The following NPHP3 variants were observed in gnomAD, a reference collection of about 807,000 sequenced individuals.
The protein encoded by NPHP3 is nephrocystin 3.
Under a neutral mutation model 171.9 loss-of-function variants are expected in NPHP3, and 123 were observed. That is an observed-to-expected ratio of 0.72 (90% confidence interval 0.62 to 0.83). NPHP3 has a LOEUF of 0.83. Ranked by LOEUF, NPHP3 falls within the 40% of genes least tolerant of loss-of-function variation. NPHP3 has a pLI of 0.00. For synonymous variants in NPHP3, 558 were observed against 579.2 expected, an observed-to-expected ratio of 0.96 and a Z score of 0.52; for missense variants, 1,506 against 1,591.9, an observed-to-expected ratio of 0.95 and a Z score of 0.92.
Position 132,681,426 on chromosome 3 carries a change from G to C in NPHP3, c.*484C>G, listed in dbSNP as rs142599290. The stretch of plus-strand genomic sequence containing the variant: ...TTACAGGCATGCGCCACCAGGTCCA[G>C]CTAATTTTTTTTTGTATTTTTAGTA... On this transcript the variant is annotated 3_prime_UTR_variant, in exon 27 of 27. Transcript: ENST00000337331. The C allele has an allele frequency of 1.1e-3, 185 of 176,118 alleles. 1 individual carries two copies. Among genetic ancestry groups the C allele is most frequent in the African/African-American group, 3.8e-3 (158 of 41,624 alleles). 10.9% of individuals were successfully genotyped at this position (176,118 alleles called of 1,614,324 possible). A position where few individuals can be genotyped will look rare whatever the true frequency, so the allele number is the denominator to read the frequency against.
chr3:132,688,797 C>T lies in NPHP3; in HGVS notation c.2978G>A (p.Ser993Asn), dbSNP rs1060503156. The change falls in exon 21 of 27, where the codon AGT becomes AAT. Residue 993 changes from serine to asparagine, a missense_variant. By Grantham distance (46) the Ser-to-Asn change is conservative (BLOSUM62 1). Transcript: ENST00000337331. The stretch of plus-strand genomic sequence containing the variant: ...AAACTTCTTCCACTGCACGTATACA[C>T]TTGCTAGTTGGTGGAGGGACTGGGC... ...RVAQSLHQLA[S>N]VYVQWKKFGN... 30 of 1,613,980 alleles carry T rather than the reference C, an allele frequency of 1.9e-5. No individual in the cohort carries two copies. Among genetic ancestry groups the T allele is most frequent in the Non-Finnish European group, 2.4e-5 (28 of 1,180,010 alleles).
intron 22 of NPHP3, among the ~76,000 whole-genome samples, 195 bp downstream of exon 22, chr3:132,686,956 C>T (rs1361862432): frequency 6.6e-6 from 1 of 152,002 alleles, no homozygotes; most frequent in Admixed American, 6.6e-5. Context: ...TTTAGAGTTC[C>T]ACTTTTTAAA....
intron 17 of NPHP3, among the ~76,000 whole-genome samples, chr3:132,691,536 CAG>C (rs1939300078): frequency 1.3e-5 from 2 of 151,938 alleles, no homozygotes; most frequent in African/African-American, 4.8e-5. Flanking sequence ...TTAAAAATCT[CAG>C]AAGTGTGGAA....
At chr3:132,715,914 A>G (rs1940038217) in intron 4 of NPHP3, among the ~76,000 whole-genome samples, 2 of 152,182 alleles carry the variant, frequency 1.3e-5, no homozygotes, top group African/African-American at 4.8e-5. Context: ...CCCCTCACAT[A>G]CCAAATCCAC....
Position 132,708,155 on chromosome 3 carries a change from A to G in NPHP3, c.1221T>C (p.Ser407=), listed in dbSNP as rs1471244176. The change falls in exon 7 of 27, where the codon TCT becomes TCC. Residue 407 remains serine, a synonymous_variant. Transcript: ENST00000337331. ...AAACTTGATCAATCAATTGCTGGAC[A>G]GAGTCAGAACTGACTTTTCCATCTT... ...RLEDGKVSSD[S]VQQLIDQVSN... The G allele has an allele frequency of 9.3e-6, 15 of 1,614,226 alleles. No homozygotes were observed. In the South Asian group the frequency reaches 1.6e-4, roughly 18 times the overall value.
chr3:132,690,470 A>C, intron 19 of NPHP3, 58 bp downstream of exon 19: 2 of 1,540,116 alleles, frequency 1.3e-6, no homozygotes, highest in Middle Eastern at 1.8e-4. Context: ...TTTCTTTGTT[A>C]AACTGAACAA....
rs956854036 is a variant in NPHP3, at chr3:132,688,680, G to A, written c.3095C>T (p.Ala1032Val). The change falls in exon 21 of 27, where the codon GCA becomes GTA. Residue 1032 changes from alanine to valine, a missense_variant. Physicochemically the swap from Ala to Val is moderately conservative, Grantham distance 64. This residue lies in a region of NPHP3 where 569 missense variants were observed against 648.1 expected (regional missense o/e 0.88). Transcript: ENST00000337331. ...DHPYTARELE[A>V]LATLYQKQNK... ...TTGTTTCTGGTACAAAGTTGCAAGT[G>A]CTTCAAGTTCACGAGCAGTATATGG... The A allele has an allele frequency of 6.2e-7, 1 of 1,614,090 alleles. No homozygotes were observed. The highest frequency in any genetic ancestry group is 8.5e-7 in the Non-Finnish European group (1 of 1,179,954).
chr3:132,710,463 C>T (rs964045254), intron 6 of NPHP3, among the ~76,000 whole-genome samples: 1 of 151,920 alleles, frequency 6.6e-6, no homozygotes, highest in African/African-American at 2.4e-5. Flanking sequence ...ACTGATGATG[C>T]CCTGAGGAAA....
intron 7 of NPHP3, among the ~76,000 whole-genome samples, 187 bp from the exon 8 acceptor site, chr3:132,706,001 C>T (rs139600666): frequency 3.9e-5 from 6 of 152,146 alleles, no homozygotes; most frequent in African/African-American, 1.4e-4. Context: ...GAAGAGTAAA[C>T]TGAGGCAAAG....
chr3:132,706,987 G>T (rs1341589454), intron 7 of NPHP3, among the ~76,000 whole-genome samples: 1 of 152,144 alleles, frequency 6.6e-6, no homozygotes, highest in African/African-American at 2.4e-5. Flanking sequence ...ATGATGGAAA[G>T]AAAAATGCTT....
Position 132,680,722 on chromosome 3 carries a change from T to C in NPHP3, c.*1188A>G, listed in dbSNP as rs7632096. 377 of 152,292 alleles carry C rather than the reference T, an allele frequency of 2.5e-3. No homozygotes were observed. The highest frequency in any genetic ancestry group is 8.8e-3 in the African/African-American group (364 of 41,546). The allele number at this position is 152,292 out of a possible 1,614,324, so 9.4% of individuals were successfully genotyped here. On this transcript the variant is annotated 3_prime_UTR_variant, in exon 27 of 27. Coordinates refer to ENST00000337331, the MANE Select transcript of NPHP3 (RefSeq NM_153240.5). ...AAGTATTAAATTGATGATTTTATTA[T>C]ATATAAATACACAAATGGTCCAAAA...
chr3:132,705,712 T>C, intron 8 of NPHP3, 28 bp downstream of exon 8: 1 of 1,113,798 alleles, frequency 9.0e-7, no homozygotes, highest in Non-Finnish European at 1.4e-6. Context: ...ATATTTTAGA[T>C]GAAAACTTAC....
intron 24 of NPHP3, among the ~76,000 whole-genome samples, chr3:132,684,157 A>C (rs1418352181): frequency 2.0e-5 from 3 of 152,234 alleles, no homozygotes; most frequent in African/African-American, 7.2e-5. Context: ...AAAAATGTTC[A>C]TTTAATCAAC....
chr3:132,708,263 T>A lies in NPHP3; in HGVS notation c.1119-6A>T, dbSNP rs372374369. On this transcript the variant is annotated splice_region_variant and splice_polypyrimidine_tract_variant and intron_variant, in intron 6 of 26. Transcript: ENST00000337331. ...CACAGTCTTCCAATAAAAGGCTAGA[T>A]TGGAAATCAGCATTTTGTGTGCTAT... The A allele has an allele frequency of 1.9e-5, 31 of 1,613,520 alleles. No individual in the cohort carries two copies. In the South Asian group the frequency reaches 3.2e-4, roughly 17 times the overall value.
intron 1 of NPHP3, among the ~76,000 whole-genome samples, chr3:132,720,292 G>A (rs1940172055): frequency 6.6e-6 from 1 of 152,182 alleles, no homozygotes; most frequent in South Asian, 2.1e-4. Context: ...CACAATGAAT[G>A]AAATAAATAT....
At position 132,692,809 on chromosome 3, in the gene NPHP3, G is replaced by A. The variant is rs957704687; in HGVS notation, c.2320C>T (p.Leu774Phe). The A allele has an allele frequency of 2.2e-5, 35 of 1,613,840 alleles. No individual in the cohort carries two copies. The highest frequency in any genetic ancestry group is 3.0e-5 in the Non-Finnish European group (35 of 1,179,794). Residue 774 changes from leucine to phenylalanine, a missense_variant, in exon 17 of 27, where the codon CTT (leucine) becomes TTT (phenylalanine). Coordinates refer to ENST00000337331, the MANE Select transcript of NPHP3 (RefSeq NM_153240.5). ...ACACCATTGTGACTAACATTGACAA[G>A]GCAGAGGATCTAGGTAGAAAAACAA... is the stretch of plus-strand genomic sequence containing the variant. The part of the protein sequence containing the change: ...DKELMKQILC[L>F]VNVSHNGVSE...
At position 132,700,012 on chromosome 3, in the gene NPHP3, T is replaced by A; in HGVS notation, c.1793A>T (p.Lys598Met). Residue 598 changes from lysine (K) to methionine (M), a missense_variant, in exon 12 of 27, where the codon AAG becomes ATG. Lys to Met is a moderately conservative substitution (Grantham distance 95). Transcript: ENST00000337331. ...CCAACGTGGAAATTCTTCCAGAAGC[T>A]TAGCAGGATCCAGTGTCAGAGCAGA... Reference protein sequence around the residue: ...SVSALTLDPAKLLEEFPRWLE... With the variant: ...SVSALTLDPAMLLEEFPRWLE... 6.2e-7 allele frequency: 1 copy of A among 1,614,122 alleles called. No individual in the cohort carries two copies. The highest frequency in any genetic ancestry group is 8.5e-7 in the Non-Finnish European group (1 of 1,179,998).
chr3:132,719,156 A>G lies in NPHP3; in HGVS notation c.520-12T>C, dbSNP rs763909286. The G allele has an allele frequency of 8.8e-6, 14 of 1,587,434 alleles. No individual in the cohort carries two copies. Among genetic ancestry groups the G allele is most frequent in the African/African-American group, 2.7e-5 (2 of 73,552 alleles). On this transcript the variant is annotated splice_polypyrimidine_tract_variant and intron_variant, in intron 2 of 26. Coordinates refer to ENST00000337331, the MANE Select transcript of NPHP3 (RefSeq NM_153240.5). ...GTCTCCCTAAAAATCTTTAAAAAGAATAATTTTAATGTTGAAAGCTTTTTC... is the reference window on the plus strand; with the variant it reads ...GTCTCCCTAAAAATCTTTAAAAAGAGTAATTTTAATGTTGAAAGCTTTTTC...
In NPHP3 at chr3:132,708,102, T is replaced by C; in HGVS notation, c.1274A>G (p.Lys425Arg). ...TTCAAAAATGCCTATGAATTTTACCTTGGCTTTGCTGGTCTTGTTTAGATT... is the reference window on the plus strand; with the variant it reads ...TTCAAAAATGCCTATGAATTTTACCCTGGCTTTGCTGGTCTTGTTTAGATT... ...VSNLNKTSKAKIIDHSGDPAE... is the reference protein window; with the variant it reads ...VSNLNKTSKARIIDHSGDPAE... Residue 425 changes from lysine to arginine, a missense_variant and splice_region_variant, in exon 7 of 27, where the codon AAG (lysine) becomes AGG (arginine). By Grantham distance (26) the Lys-to-Arg change is conservative (BLOSUM62 2). Around this residue, in one of 3 missense-constraint regions of NPHP3, gnomAD observed 930 missense variants for 924.9 expected, o/e 1.01. Transcript: ENST00000337331. 1 of 1,614,178 alleles carries C rather than the reference T, an allele frequency of 6.2e-7. No individual in the cohort carries two copies. The highest frequency in any genetic ancestry group is 2.2e-5 in the East Asian group (1 of 44,886).
Sources: allele counts gnomAD v4.1 joint callset (sites outside exome capture counted in the v4.1 genomes callset), GRCh38; gene constraint gnomAD v4.1.1; regional missense constraint gnomAD v4.1.1; transcripts MANE v1.5; gene names NCBI Gene and HGNC (gene_info 2026-07-23, HGNC 2026-07-21).